Variants in ADAMTS14 observed in about 807,000 individuals in gnomAD.
ADAMTS14 encodes the protein A disintegrin and metalloproteinase with thrombospondin motifs 14.
ADAMTS14 carries 100 observed loss-of-function variants against 128.6 expected under a neutral mutation model. That is an observed-to-expected ratio of 0.78 (90% confidence interval 0.66 to 0.92). ADAMTS14 has a LOEUF of 0.92. Ranked by LOEUF, ADAMTS14 falls within the 40% of genes least tolerant of loss-of-function variation. ADAMTS14 has a pLI of 0.00. For synonymous variants in ADAMTS14, 665 were observed against 653.8 expected (o/e 1.02, Z -0.26); for missense variants, 1,562 against 1,658.6 (o/e 0.94, Z 1.01).
chr10:70,731,064 C>CCACACACACACACA (rs56903140), intron 6 of ADAMTS14, among the ~76,000 whole-genome samples: 3,666 of 145,714 alleles, frequency 0.025, 66 homozygotes, highest in Middle Eastern at 0.057. Context: ...GTTTTACACA[C>CCACACACACACACA]CACACACACA....
Position 70,760,569 on chromosome 10 carries a change from G to A in ADAMTS14, c.3388G>A (p.Ala1130Thr), listed in dbSNP as rs1445840813. 3 of 1,613,642 alleles carry A rather than the reference G, an allele frequency of 1.9e-6. No individual in the cohort carries two copies. The highest frequency in any genetic ancestry group is 2.5e-6 in the Non-Finnish European group (3 of 1,179,770). Residue 1130 changes from alanine to threonine, a missense_variant, in exon 22 of 22, where the codon GCT becomes ACT. Coordinates refer to ENST00000373207, the MANE Select transcript of ADAMTS14 (RefSeq NM_080722.4). ...PLPGPQDPADAAEPPGKPTGS... is the reference protein window; with the variant it reads ...PLPGPQDPADTAEPPGKPTGS... ...ACCAGGACCCCAGGACCCTGCAGAT[G>A]CTGCAGAGCCTCCTGGAAAGCCAAC...
intron 4 of ADAMTS14, 67 bp downstream of exon 4, chr10:70,708,845 G>T: frequency 7.9e-7 from 1 of 1,259,366 alleles, no homozygotes. Context: ...CACCCCACTG[G>T]GCCCCAGTGC....
intron 1 of ADAMTS14, among the ~76,000 whole-genome samples, chr10:70,673,348 C>G (rs375564158): frequency 6.6e-6 from 1 of 152,072 alleles, no homozygotes; most frequent in South Asian, 2.1e-4. Flanking sequence ...GCAGAGCATG[C>G]GGGGCACTCA....
At chr10:70,720,714 C>T (rs764083756) in intron 4 of ADAMTS14, among the ~76,000 whole-genome samples, 11 of 152,246 alleles carry the variant, frequency 7.2e-5, no homozygotes, top group African/African-American at 2.4e-4. Context: ...CATGCACATG[C>T]GTGCACACAT....
At chr10:70,732,761 C>T (rs1026684344) in intron 7 of ADAMTS14, among the ~76,000 whole-genome samples, 82 of 152,196 alleles carry the variant, frequency 5.4e-4, no homozygotes, top group Non-Finnish European at 7.3e-5. Flanking sequence ...CTTGATCCAG[C>T]CCACCCTGAT....
intron 21 of ADAMTS14, 74 bp downstream of exon 21, chr10:70,758,359 C>T (rs1162561317): frequency 1.5e-6 from 2 of 1,359,992 alleles, no homozygotes; most frequent in African/African-American, 1.4e-5. Flanking sequence ...ATGGGCCACT[C>T]AGTGGAGCAA....
chr10:70,718,863 T>G (rs1035300711), intron 4 of ADAMTS14, among the ~76,000 whole-genome samples: 7 of 152,116 alleles, frequency 4.6e-5, no homozygotes, highest in African/African-American at 1.7e-4. Flanking sequence ...TTCTTCTTTT[T>G]TTTTTAATTT....
rs201922304 is a variant in ADAMTS14, at chr10:70,729,352, G to A, written c.929G>A (p.Arg310His). Residue 310 changes from arginine (R) to histidine (H), a missense_variant, in exon 5 of 22, where the codon CGC (arginine) becomes CAC (histidine). Coordinates refer to ENST00000373207, the MANE Select transcript of ADAMTS14 (RefSeq NM_080722.4). ...LGVHINIALV[R>H]LIMVGYRQSL... ...GTTCATATAAATATTGCCCTCGTCCGCTTGATCATGGTTGGCTACCGACAG... is the reference window on the plus strand; with the variant it reads ...GTTCATATAAATATTGCCCTCGTCCACTTGATCATGGTTGGCTACCGACAG... The A allele has an allele frequency of 1.8e-5, 29 of 1,613,808 alleles. No individual in the cohort carries two copies. Among genetic ancestry groups the A allele is most frequent in the East Asian group, 1.6e-4 (7 of 44,848 alleles).
intron 4 of ADAMTS14, among the ~76,000 whole-genome samples, chr10:70,716,418 A>T (rs1050336396): frequency 1.3e-5 from 2 of 152,200 alleles, no homozygotes; most frequent in Non-Finnish European, 2.9e-5. Flanking sequence ...TGCTGCTGCC[A>T]TCGCGGGTAC....
intron 17 of ADAMTS14, among the ~76,000 whole-genome samples, 162 bp downstream of exon 17, chr10:70,751,808 C>A (rs1036874894): frequency 6.6e-6 from 1 of 152,210 alleles, no homozygotes; most frequent in Admixed American, 6.5e-5. Flanking sequence ...TGGGCAGGGC[C>A]TTTGGGATGA....
At chr10:70,691,487 T>TAAAAAAAAAAAAAA (rs11373533) in intron 2 of ADAMTS14, among the ~76,000 whole-genome samples, 3 of 86,686 alleles carry the variant, frequency 3.5e-5, no homozygotes, top group Admixed American at 1.2e-4. Flanking sequence ...GAGACCCTGT[T>TAAAAAAAAAAAAAA]AAAAAAAAAA....
chr10:70,723,916 G>T (rs545802943), intron 4 of ADAMTS14, among the ~76,000 whole-genome samples: 3 of 152,358 alleles, frequency 2.0e-5, no homozygotes, highest in Non-Finnish European at 4.4e-5. Context: ...ACAGAAATCT[G>T]AGTTCAACTC....
intron 4 of ADAMTS14, among the ~76,000 whole-genome samples, chr10:70,721,713 C>G (rs1841273620): frequency 6.6e-6 from 1 of 152,218 alleles, no homozygotes. Flanking sequence ...TGTACACACA[C>G]AGATAAGGCA....
intron 2 of ADAMTS14, among the ~76,000 whole-genome samples, chr10:70,690,516 A>C (rs1840152914): frequency 6.9e-6 from 1 of 145,444 alleles, no homozygotes; most frequent in Non-Finnish European, 1.6e-5. Context: ...GGCCACTGCC[A>C]AGTCCCTCAT....
chr10:70,749,469 C>T (rs1842281959), intron 15 of ADAMTS14, among the ~76,000 whole-genome samples: 3 of 152,166 alleles, frequency 2.0e-5, no homozygotes, highest in Non-Finnish European at 4.4e-5. Flanking sequence ...TCCCTGAGGA[C>T]TGGGCAACCA....
rs908217521 is a variant in ADAMTS14, at chr10:70,689,754, G to A, written c.523-12558G>A. On this transcript the variant is annotated intron_variant, in intron 2 of 21. Transcript: ENST00000373207. ...TTACAATCCGAGTCCTCCATGGTTC[G>A]CGGCATTCCTCCCAGAGAAGCCAGC... is the stretch of plus-strand genomic sequence containing the variant. 4.1e-5 allele frequency among the ~76,000 whole-genome samples: 6 copies of A among 145,344 alleles called. 1 individual carries two copies. The highest frequency in any genetic ancestry group is 6.6e-3 in the Middle Eastern group (2 of 302).
chr10:70,692,730 C>T (rs1043871086), intron 2 of ADAMTS14, among the ~76,000 whole-genome samples: 13 of 152,232 alleles, frequency 8.5e-5, no homozygotes, highest in African/African-American at 2.7e-4. Flanking sequence ...TATGTTTCTG[C>T]CCAGCTGTTT....
chr10:70,676,800 GA>G (rs1385746213), intron 2 of ADAMTS14, among the ~76,000 whole-genome samples: 2 of 152,170 alleles, frequency 1.3e-5, no homozygotes, highest in Non-Finnish European at 2.9e-5. Flanking sequence ...GTGATGTTAG[GA>G]ATCATCCAGG....
At position 70,741,114 on chromosome 10, in the gene ADAMTS14, G is replaced by T; in HGVS notation, c.1876G>T (p.Val626Leu). The T allele has an allele frequency of 6.2e-7, 1 of 1,613,840 alleles. No homozygotes were observed. Among genetic ancestry groups the T allele is most frequent in the African/African-American group, 1.3e-5 (1 of 75,040 alleles). Reference sequence around the variant, plus strand: ...GTGTGCCAAGCGCAACTCCTACTATGTGCACCAGAATGCCAAGCACAGCTG... The same window carrying T: ...GTGTGCCAAGCGCAACTCCTACTATTTGCACCAGAATGCCAAGCACAGCTG... The part of the protein sequence containing the change: ...QQCAKRNSYY[V>L]HQNAKHSWVP... Residue 626 changes from valine (V) to leucine (L), a missense_variant, in exon 12 of 22, where the codon GTG becomes TTG. Physicochemically the swap from Val to Leu is conservative, Grantham distance 32. Transcript: ENST00000373207.
Sources: gnomAD v4.1 joint callset for allele counts (sites outside exome capture counted in the v4.1 genomes callset) on GRCh38, gnomAD v4.1.1 for gene constraint, MANE v1.5 for transcripts, NCBI Gene and HGNC (gene_info 2026-07-23, HGNC 2026-07-21) for gene names.